The following DMKN variants were observed in gnomAD, a reference collection of about 807,000 sequenced individuals.
The protein encoded by DMKN is dermokine, also known as epidermis-specific secreted protein SK30/SK89.
A neutral mutation model predicts 67.6 loss-of-function variants in DMKN; 58 were observed. The observed-to-expected ratio is 0.86, with a 90% CI of 0.69 to 1.07. DMKN has a LOEUF of 1.07. Ranked by LOEUF, DMKN falls within the 50% of genes least tolerant of loss-of-function variation. The probability of loss-of-function intolerance (pLI) is 0.00; values close to 1 mark genes in which losing one functional copy is unlikely to be tolerated. For synonymous variants in DMKN, 240 were observed against 232.3 expected, an observed-to-expected ratio of 1.03 and a Z score of -0.30; for missense variants, 596 against 601.5, an observed-to-expected ratio of 0.99 and a Z score of 0.10.
At position 35,508,434 on chromosome 19, in the gene DMKN, T is replaced by A. The variant is rs1372485347; in HGVS notation, c.1038+1477A>T. On this transcript the variant is annotated intron_variant, in intron 7 of 15. Transcript: ENST00000339686. ...GTAAGAAAACACTGGAAAAGATAAATGGTAAGTGAAGATAAGAGGTAGATA... is the reference window on the plus strand; with the variant it reads ...GTAAGAAAACACTGGAAAAGATAAAAGGTAAGTGAAGATAAGAGGTAGATA... 6 of 590,304 alleles carry A rather than the reference T, an allele frequency of 1.0e-5. No individual in the cohort carries two copies. The East Asian group carries it at 1.6e-4, about 15-fold the overall frequency. 36.6% of individuals were successfully genotyped at this position (590,304 alleles called of 1,614,324 possible). A position where few individuals can be genotyped will look rare whatever the true frequency, so the allele number is the denominator to read the frequency against.
At chr19:35,507,362 CA>C (rs1376933676) in intron 7 of DMKN, 1 of 1,273,388 alleles carries the variant, frequency 7.9e-7, no homozygotes, top group African/African-American at 1.5e-5. Flanking sequence ...GAGCAGCTTG[CA>C]AGAAGAAACT....
In DMKN at chr19:35,513,179, G is replaced by A. The variant is rs61742823; in HGVS notation, c.297C>T (p.Val99=). ...FGVADALGNR[V]GEAAHALGNT... is the part of the protein sequence containing the mutation. Reference sequence around the variant, plus strand: ...TTCCCAGAGCATGGGCTGCTTCCCCGACCCTGTTGCCCAAAGCATCTGCTA... The same window carrying A: ...TTCCCAGAGCATGGGCTGCTTCCCCAACCCTGTTGCCCAAAGCATCTGCTA... The change falls in exon 1 of 16, where the codon GTC becomes GTT. Residue 99 remains valine, a synonymous_variant. Coordinates refer to ENST00000339686, the MANE Select transcript of DMKN (RefSeq NM_033317.5). 1.5e-3 allele frequency: 2,412 copies of A among 1,614,120 alleles called. 27 individuals are homozygous for A. In the African/African-American group the frequency reaches 0.025, roughly 17 times the overall value.
chr19:35,506,490 C>A (rs115967501), intron 7 of DMKN: 1 of 550,938 alleles, frequency 1.8e-6, no homozygotes, highest in Non-Finnish European at 3.5e-6. Flanking sequence ...TGTAGTCCCA[C>A]GGCACGCCAA....
rs1435074161 is a variant in DMKN, at chr19:35,511,434, C to T, written c.895G>A (p.Asp299Asn). Residue 299 changes from aspartate (D) to asparagine (N), a missense_variant, in exon 5 of 16, where the codon GAC (aspartate) becomes AAC (asparagine). By Grantham distance (23) the Asp-to-Asn change is conservative. Transcript: ENST00000339686. The stretch of plus-strand genomic sequence containing the variant: ...ACCCAGGAGGACTCACTGCCGCTGT[C>T]ACCTCTGCTGCCACCACTGTTGCCA... ...SSGNSGGSRG[D>N]SGSESSWGSS... 3.1e-6 allele frequency: 5 copies of T among 1,607,782 alleles called. No individual in the cohort carries two copies. The highest frequency in any genetic ancestry group is 4.2e-6 in the Non-Finnish European group (5 of 1,179,316).
Position 35,498,724 on chromosome 19 carries a change from A to G in DMKN, c.1423T>C (p.Phe475Leu), listed in dbSNP as rs1380193254. 1 of 1,613,886 alleles carries G rather than the reference A, an allele frequency of 6.2e-7. No individual in the cohort carries two copies. Among genetic ancestry groups the G allele is most frequent in the South Asian group, 1.1e-5 (1 of 91,060 alleles). ...CTCACTCTGACACTCACCTACCAAAACTTCACCCACTGCAGCAGGCCAGGT... is the reference window on the plus strand; with the variant it reads ...CTCACTCTGACACTCACCTACCAAAGCTTCACCCACTGCAGCAGGCCAGGT... ...VQPGLLQWVK[F>L]W Residue 475 changes from phenylalanine to leucine, a missense_variant, in exon 15 of 16, where the codon TTT (phenylalanine) becomes CTT (leucine). Coordinates refer to ENST00000339686, the MANE Select transcript of DMKN (RefSeq NM_033317.5).
chr19:35,501,872 A>G (rs1320449485), intron 11 of DMKN: 1 of 1,586,578 alleles, frequency 6.3e-7, no homozygotes, highest in Non-Finnish European at 8.6e-7. Flanking sequence ...GAGCAGGAGC[A>G]GAGCAGAGGC....
At chr19:35,508,290 C>CA in intron 7 of DMKN, 6 of 1,547,418 alleles carry the variant, frequency 3.9e-6, no homozygotes, top group Non-Finnish European at 5.2e-6. Flanking sequence ...ATCCTGAGGC[C>CA]ACCCCCGAAA....
chr19:35,511,950 T>G, intron 3 of DMKN, 137 bp from the exon 4 acceptor site: 6 of 927,640 alleles, frequency 6.5e-6, no homozygotes, highest in Middle Eastern at 2.5e-4. Flanking sequence ...CCACCTCCCC[T>G]TCCCATCTGC....
At chr19:35,500,448 AAG>A (rs751796440) in intron 12 of DMKN, 83 bp downstream of exon 12, 4 of 1,558,366 alleles carry the variant, frequency 2.6e-6, no homozygotes, top group Non-Finnish European at 3.5e-6. Context: ...GGAGGAGTGA[AAG>A]AGAATTTCAG....
intron 7 of DMKN, chr19:35,506,235 T>G (rs1461136337): frequency 3.4e-6 from 5 of 1,456,418 alleles, no homozygotes; most frequent in Non-Finnish European, 4.5e-6. Flanking sequence ...CTTCCTATCA[T>G]GCCTGCCACC....
At chr19:35,498,939 C>G in intron 13 of DMKN, 42 bp from the exon 14 acceptor site, 1 of 1,614,100 alleles carries the variant, frequency 6.2e-7, no homozygotes, top group Non-Finnish European at 8.5e-7. Context: ...GTCATGGCCT[C>G]CCTGTACTCT....
chr19:35,513,361 G>C lies in DMKN; in HGVS notation c.115C>G (p.Leu39Val). The change falls in exon 1 of 16, where the codon CTT becomes GTT. Residue 39 changes from leucine to valine, a missense_variant. By Grantham distance (32) the Leu-to-Val change is conservative (BLOSUM62 1). Transcript: ENST00000339686. ...ESTGTNIGEALGHGLGDALSE... is the reference protein window; with the variant it reads ...ESTGTNIGEAVGHGLGDALSE... Reference sequence around the variant, plus strand: ...AGGGCGTCTCCCAGGCCATGTCCAAGGGCCTCCCCAATATTTGTCCCAGTG... The same window carrying C: ...AGGGCGTCTCCCAGGCCATGTCCAACGGCCTCCCCAATATTTGTCCCAGTG... 1 of 1,613,522 alleles carries C rather than the reference G, an allele frequency of 6.2e-7. No individual in the cohort carries two copies. The highest frequency in any genetic ancestry group is 8.5e-7 in the Non-Finnish European group (1 of 1,180,040).
At chr19:35,511,893 T>G (rs2070894884) in intron 3 of DMKN, 80 bp from the exon 4 acceptor site, 1 of 1,442,852 alleles carries the variant, frequency 6.9e-7, no homozygotes, top group Non-Finnish European at 9.3e-7. Context: ...AGGCCAGGCC[T>G]CTCCCATTCT....
chr19:35,502,770 G>T, intron 10 of DMKN, 60 bp downstream of exon 10: 1 of 1,587,306 alleles, frequency 6.3e-7, no homozygotes, highest in Non-Finnish European at 8.7e-7. Context: ...CTTGAGGGAG[G>T]CTTGGGGAGA....
In DMKN at chr19:35,511,519, A is replaced by ACCACTGCTG; in HGVS notation, c.801_809dup (p.Ser268_Gly270dup). ...CACTGCTGCTGCCACTGCTGCTGCC[A>ACCACTGCTG]CCACTGCTGCTGCCATTGTTGTTGT... On this transcript the variant is annotated inframe_insertion, in exon 5 of 16. Coordinates refer to ENST00000339686, the MANE Select transcript of DMKN (RefSeq NM_033317.5). 3 of 1,226,802 alleles carry ACCACTGCTG rather than the reference A, an allele frequency of 2.4e-6. No individual in the cohort carries two copies. Among genetic ancestry groups the ACCACTGCTG allele is most frequent in the South Asian group, 1.4e-5 (1 of 70,108 alleles). 76.0% of individuals were successfully genotyped at this position (1,226,802 alleles called of 1,614,324 possible). A position where few individuals can be genotyped will look rare whatever the true frequency, so the allele number is the denominator to read the frequency against.
intron 10 of DMKN, 56 bp downstream of exon 10, chr19:35,502,774 G>T: frequency 6.3e-7 from 1 of 1,592,724 alleles, no homozygotes; most frequent in Admixed American, 1.7e-5. Flanking sequence ...AGGGAGGCTT[G>T]GGGAGAGTCA....
chr19:35,511,461 T>G lies in DMKN; in HGVS notation c.868A>C (p.Ser290Arg). ...CCTCTGCTGCCACCACTGTTGCCAC[T>G]GCTGCCACCACTGCTGCCGCCACTG... is the stretch of plus-strand genomic sequence containing the variant. ...GSSGGSSGGS[S>R]GNSGGSRGDS... Residue 290 changes from serine to arginine, a missense_variant, in exon 5 of 16, where the codon AGT (serine) becomes CGT (arginine). By Grantham distance (110) the Ser-to-Arg change is moderately radical. Transcript: ENST00000339686. The G allele has an allele frequency of 1.8e-6, 2 of 1,120,364 alleles. No individual in the cohort carries two copies. Among genetic ancestry groups the G allele is most frequent in the East Asian group, 1.1e-4 (2 of 18,900 alleles). 69.4% of individuals were successfully genotyped at this position (1,120,364 alleles called of 1,614,324 possible). A position where few individuals can be genotyped will look rare whatever the true frequency, so the allele number is the denominator to read the frequency against.
chr19:35,504,140 A>G (rs1448458807), intron 9 of DMKN, among the ~76,000 whole-genome samples: 1 of 151,986 alleles, frequency 6.6e-6, no homozygotes, highest in East Asian at 1.9e-4. Context: ...CACTCCCTCG[A>G]CTGCCGCCCT....
At chr19:35,509,850 T>G (rs1315852232) in intron 7 of DMKN, 61 bp downstream of exon 7, 4 of 1,587,404 alleles carry the variant, frequency 2.5e-6, no homozygotes, top group Non-Finnish European at 3.5e-6. Flanking sequence ...TTAGGAGGAG[T>G]GGGCACAGTC....
Sources: gnomAD v4.1 joint callset for allele counts (sites outside exome capture counted in the v4.1 genomes callset) on GRCh38, gnomAD v4.1.1 for gene constraint, MANE v1.5 for transcripts, NCBI Gene and HGNC (gene_info 2026-07-23, HGNC 2026-07-21) for gene names.